The following FBXO42 variants were observed in gnomAD, a reference collection of about 807,000 sequenced individuals.
FBXO42 encodes F-box only protein 42.
A neutral mutation model predicts 71.7 loss-of-function variants in FBXO42; 12 were observed. The ratio of observed to expected loss-of-function variants is 0.17; its 90% confidence interval spans 0.11 to 0.27. The LOEUF is 0.27. Among genes scored for constraint, FBXO42 ranks in the 10% least tolerant of loss-of-function variants. The probability of loss-of-function intolerance (pLI) is 1.00; values close to 1 mark genes in which losing one functional copy is unlikely to be tolerated. For missense variants in FBXO42, 707 were observed against 911.9 expected, an observed-to-expected ratio of 0.78 and a Z score of 2.89; for synonymous variants, 325 against 327.5, an observed-to-expected ratio of 0.99 and a Z score of 0.08.
intron 1 of FBXO42, among the ~76,000 whole-genome samples, chr1:16,343,763 C>A (rs2082628709): frequency 6.8e-6 from 1 of 148,022 alleles, no homozygotes; most frequent in Non-Finnish European, 1.5e-5. Context: ...GTGGAGGTTG[C>A]AGTGAGCCCA....
At chr1:16,260,963 T>G (rs1175990758) in intron 4 of FBXO42, among the ~76,000 whole-genome samples, 1 of 152,158 alleles carries the variant, frequency 6.6e-6, no homozygotes, top group Non-Finnish European at 1.5e-5. Context: ...CTCTGCCACC[T>G]CCCAAAGTGC....
chr1:16,284,277 C>T (rs60246599), intron 4 of FBXO42, among the ~76,000 whole-genome samples: 7,974 of 152,242 alleles, frequency 0.052, 635 homozygotes, highest in African/African-American at 0.18. Flanking sequence ...AATTATTTTA[C>T]CTGAGTCATA....
chr1:16,300,417 T>A (rs2082179021), intron 3 of FBXO42, among the ~76,000 whole-genome samples: 1 of 152,206 alleles, frequency 6.6e-6, no homozygotes, highest in African/African-American at 2.4e-5. Context: ...TCTATAATCA[T>A]CTCAAGTGCA....
At chr1:16,350,749 A>AGAAAG (rs148379808) in intron 1 of FBXO42, among the ~76,000 whole-genome samples, 3,499 of 47,356 alleles carry the variant, frequency 0.074, 167 homozygotes, top group Middle Eastern at 0.11. Flanking sequence ...ACTGCAAAAA[A>AGAAAG]AAAAAAAAAA....
At chr1:16,280,895 T>C (rs1314023863) in intron 4 of FBXO42, among the ~76,000 whole-genome samples, 6 of 152,218 alleles carry the variant, frequency 3.9e-5, no homozygotes, top group African/African-American at 1.2e-4. Flanking sequence ...TTACTGGCTA[T>C]GTGATTTTAG....
intron 4 of FBXO42, among the ~76,000 whole-genome samples, chr1:16,287,266 C>T (rs1041503842): frequency 6.6e-6 from 1 of 152,244 alleles, no homozygotes; most frequent in African/African-American, 2.4e-5. Flanking sequence ...CAGATACCCA[C>T]ATGGCTCACT....
chr1:16,276,402 GA>G (rs2081903913), intron 4 of FBXO42, among the ~76,000 whole-genome samples: 1 of 146,544 alleles, frequency 6.8e-6, no homozygotes, highest in Non-Finnish European at 1.5e-5. Context: ...AAAAAGAAAA[GA>G]AAAGAAAAGA....
intron 1 of FBXO42, among the ~76,000 whole-genome samples, chr1:16,350,573 CA>C (rs60358251): frequency 5.4e-3 from 358 of 66,786 alleles, no homozygotes; most frequent in African/African-American, 7.3e-3. Context: ...ACTAAAATTA[CA>C]AAAAAAAAAA....
At chr1:16,281,472 G>GTTT (rs376419524) in intron 4 of FBXO42, among the ~76,000 whole-genome samples, 3 of 136,244 alleles carry the variant, frequency 2.2e-5, no homozygotes, top group Non-Finnish European at 3.1e-5. Context: ...TTCTTTTTTT[G>GTTT]TTTTTTTTTT....
intron 4 of FBXO42, among the ~76,000 whole-genome samples, chr1:16,275,142 T>A (rs774791997): frequency 6.6e-5 from 10 of 152,098 alleles, no homozygotes; most frequent in African/African-American, 2.4e-4. Flanking sequence ...GCAAGAAACA[T>A]TCTGAGATTC....
intron 1 of FBXO42, among the ~76,000 whole-genome samples, chr1:16,344,566 C>A (rs530321973): frequency 3.3e-5 from 5 of 149,728 alleles, no homozygotes; most frequent in African/African-American, 1.2e-4. Flanking sequence ...AAACTCCCAA[C>A]CTCAGGTGAT....
At chr1:16,327,299 T>C (rs1472511191) in intron 1 of FBXO42, among the ~76,000 whole-genome samples, 1 of 152,206 alleles carries the variant, frequency 6.6e-6, no homozygotes, top group East Asian at 1.9e-4. Flanking sequence ...CAAAGCCATC[T>C]GTAAGACAGT....
chr1:16,290,743 T>C (rs929452301), intron 4 of FBXO42, among the ~76,000 whole-genome samples: 2 of 150,296 alleles, frequency 1.3e-5, no homozygotes, highest in Non-Finnish European at 2.9e-5. Flanking sequence ...GAAAACACAC[T>C]GAGAAGGTGG....
chr1:16,348,515 G>A (rs1451744198), intron 1 of FBXO42, among the ~76,000 whole-genome samples: 1 of 151,790 alleles, frequency 6.6e-6, no homozygotes, highest in Non-Finnish European at 1.5e-5. Flanking sequence ...TGGCCAATAT[G>A]GTGAAATCCC....
chr1:16,336,793 G>T (rs141422716), intron 1 of FBXO42, among the ~76,000 whole-genome samples: 3,574 of 150,802 alleles, frequency 0.024, 141 homozygotes, highest in African/African-American at 0.082. Context: ...AGACCAGCCT[G>T]GCAAACATGG....
chr1:16,287,748 C>T (rs1253275325), intron 4 of FBXO42, among the ~76,000 whole-genome samples: 2 of 152,070 alleles, frequency 1.3e-5, no homozygotes, highest in African/African-American at 2.4e-5. Context: ...CTGTGCCTGG[C>T]CTGTGCTGTC....
chr1:16,282,751 C>T (rs1262641), intron 4 of FBXO42, among the ~76,000 whole-genome samples: 151,722 of 151,738 alleles, frequency 1, 75,853 homozygotes, highest in Middle Eastern at 1. Context: ...GAGGCCAAGG[C>T]GGGCAGATCA....
At chr1:16,336,760 A>C (rs1008141931) in intron 1 of FBXO42, among the ~76,000 whole-genome samples, 1 of 151,208 alleles carries the variant, frequency 6.6e-6, no homozygotes, top group African/African-American at 2.4e-5. Flanking sequence ...AAGGCAGGTG[A>C]ATCACCTAAG....
chr1:16,274,837 G>A (rs928068053), intron 4 of FBXO42, among the ~76,000 whole-genome samples: 3 of 151,816 alleles, frequency 2.0e-5, no homozygotes, highest in Admixed American at 2.0e-4. Context: ...TAATCTGCCC[G>A]CCTCAGCCTC....
Sources: allele counts gnomAD v4.1 joint callset (sites outside exome capture counted in the v4.1 genomes callset), GRCh38; gene constraint gnomAD v4.1.1; transcripts MANE v1.5; gene names NCBI Gene and HGNC (gene_info 2026-07-23, HGNC 2026-07-21).